DOCK5: variants seen among roughly 807,000 people sequenced by gnomAD.
DOCK5 encodes the protein dedicator of cytokinesis 5.
Under a neutral mutation model 251.8 loss-of-function variants are expected in DOCK5, and 142 were observed. The ratio of observed to expected loss-of-function variants is 0.56; its 90% CI spans 0.49 to 0.65. The LOEUF (loss-of-function observed/expected upper bound fraction) is 0.65, where lower values mean the gene tolerates loss of function less well. Among genes scored for constraint, DOCK5 ranks in the 30% least tolerant of loss-of-function variants. DOCK5 has a pLI of 0.00. For missense variants in DOCK5, 2,111 were observed against 2,312.3 expected (o/e 0.91, Z 1.79); for synonymous variants, 842 against 835.5 (o/e 1.01, Z -0.13).
At chr8:25,392,995 C>A in intron 44 of DOCK5, 113 bp downstream of exon 44, 2 of 856,508 alleles carry the variant, frequency 2.3e-6, no homozygotes, top group Non-Finnish European at 3.7e-6. Context: ...CTCCTCTGGC[C>A]AACTTTGTTT....
chr8:25,296,880 A>G (rs1804629712), intron 7 of DOCK5, among the ~76,000 whole-genome samples: 2 of 152,168 alleles, frequency 1.3e-5, no homozygotes, highest in South Asian at 4.1e-4. Flanking sequence ...ATAATGGTAT[A>G]TATGAAATGC....
At chr8:25,355,814 A>T (rs1800557504) in intron 27 of DOCK5, among the ~76,000 whole-genome samples, 1 of 152,214 alleles carries the variant, frequency 6.6e-6, no homozygotes, top group South Asian at 2.1e-4. Context: ...CTATTTAGAG[A>T]TTATAAATAA....
chr8:25,280,209 G>A (rs537904531), intron 5 of DOCK5, among the ~76,000 whole-genome samples: 160 of 152,360 alleles, frequency 1.1e-3, no homozygotes, highest in African/African-American at 3.8e-3. Flanking sequence ...CTCGTTAGAT[G>A]TGTGTACAAG....
At chr8:25,307,851 T>C (rs1804988496) in intron 11 of DOCK5, among the ~76,000 whole-genome samples, 1 of 152,192 alleles carries the variant, frequency 6.6e-6, no homozygotes, top group African/African-American at 2.4e-5. Context: ...TGCCTAAGAT[T>C]TATGGCAAGC....
chr8:25,305,837 A>G lies in DOCK5; in HGVS notation c.1049+1510A>G, dbSNP rs779590391. 3.3e-5 allele frequency among the ~76,000 whole-genome samples: 5 copies of G among 152,338 alleles called. No individual in the cohort carries two copies. The South Asian group carries it at 8.3e-4, about 25-fold the overall frequency. ...GAAGTCTTAAAATTTAGATATTTCA[A>G]AAAATGTACTCCATGATTAACAGTG... On this transcript the variant is annotated intron_variant, in intron 11 of 51. Transcript: ENST00000276440.
intron 4 of DOCK5, among the ~76,000 whole-genome samples, chr8:25,276,065 T>C (rs558214957): frequency 3.2e-4 from 49 of 152,266 alleles, no homozygotes; most frequent in African/African-American, 1.2e-3. Flanking sequence ...TGTGTGTGTG[T>C]GCGTGTGTGT....
chr8:25,362,177 C>A (rs557826248), intron 28 of DOCK5, among the ~76,000 whole-genome samples: 24 of 152,290 alleles, frequency 1.6e-4, no homozygotes, highest in African/African-American at 5.8e-4. Context: ...ATGATAACGT[C>A]CCTGGCGCAG....
At chr8:25,310,384 G>C (rs376514156) in intron 12 of DOCK5, 23 bp from the exon 13 acceptor site, 16 of 1,592,834 alleles carry the variant, frequency 1.0e-5, no homozygotes, top group Non-Finnish European at 1.3e-5. Flanking sequence ...AGAACTAAAC[G>C]TTTATCTTTT....
intron 5 of DOCK5, 146 bp downstream of exon 5, chr8:25,278,811 A>AT: frequency 1.3e-6 from 1 of 742,986 alleles, no homozygotes; most frequent in Non-Finnish European, 2.2e-6. Flanking sequence ...TAAGCAGCAG[A>AT]TTCTCATTTC....
At chr8:25,235,789 T>C (rs141130664) in intron 1 of DOCK5, among the ~76,000 whole-genome samples, 2,486 of 150,420 alleles carry the variant, frequency 0.017, 84 homozygotes, top group African/African-American at 0.058. Flanking sequence ...GATTTTTTTC[T>C]TTTCTTTTCC....
intron 2 of DOCK5, among the ~76,000 whole-genome samples, chr8:25,261,174 A>G (rs971206528): frequency 6.6e-6 from 1 of 152,078 alleles, no homozygotes; most frequent in Admixed American, 6.6e-5. Context: ...TTTTAGCCCT[A>G]TATGAAGTTA....
At position 25,262,236 on chromosome 8, in the gene DOCK5, T is replaced by C. The variant is rs1803608719; in HGVS notation, c.128-6609T>C. Among the ~76,000 whole-genome samples, 4 of 152,184 alleles carry C rather than the reference T, an allele frequency of 2.6e-5. No homozygotes were observed. The South Asian group carries it at 6.2e-4, about 24-fold the overall frequency. The stretch of plus-strand genomic sequence containing the variant: ...TTGGCACAGTCAATCTTTTTAACTT[T>C]AGCCATTGCAGTGGGTGGATAGTAT... On this transcript the variant is annotated intron_variant, in intron 2 of 51. Transcript: ENST00000276440.
intron 28 of DOCK5, 92 bp downstream of exon 28, chr8:25,359,153 C>G: frequency 9.1e-7 from 1 of 1,098,346 alleles, no homozygotes; most frequent in South Asian, 1.3e-5. Flanking sequence ...GTCCAGGGTT[C>G]TCTTCCCACG....
At chr8:25,227,980 G>A (rs1011513659) in intron 1 of DOCK5, among the ~76,000 whole-genome samples, 1 of 152,046 alleles carries the variant, frequency 6.6e-6, no homozygotes, top group Admixed American at 6.6e-5. Flanking sequence ...CACCTGCCAG[G>A]CTCCAGTGAT....
chr8:25,390,319 A>T, intron 42 of DOCK5, 32 bp downstream of exon 42: 1 of 1,260,086 alleles, frequency 7.9e-7, no homozygotes, highest in Non-Finnish European at 1.1e-6. Flanking sequence ...AAAAAAAAAA[A>T]TCTGTGTCTA....
intron 1 of DOCK5, among the ~76,000 whole-genome samples, chr8:25,194,680 A>G (rs759122983): frequency 1.3e-5 from 2 of 152,040 alleles, no homozygotes; most frequent in East Asian, 1.9e-4. Context: ...GTTTTTCTTA[A>G]CAGGCAGTCC....
chr8:25,210,042 G>GAA (rs1802089790), intron 1 of DOCK5, among the ~76,000 whole-genome samples: 1 of 25,362 alleles, frequency 3.9e-5, no homozygotes, highest in African/African-American at 1.3e-4. Flanking sequence ...ATAAATGTGT[G>GAA]TGTGTGTGTG....
intron 43 of DOCK5, 123 bp downstream of exon 43, chr8:25,392,103 A>G (rs2117320772): frequency 2.2e-6 from 2 of 904,306 alleles, no homozygotes; most frequent in Non-Finnish European, 1.7e-6. Flanking sequence ...AGAGATCGAG[A>G]CCATCCTGGC....
At position 25,375,103 on chromosome 8, in the gene DOCK5, C is replaced by A. The variant is rs565232183; in HGVS notation, c.3816+449C>A. 2.1e-5 allele frequency: 14 copies of A among 658,812 alleles called. No individual in the cohort carries two copies. The South Asian group carries it at 4.1e-4, about 19-fold the overall frequency. 40.8% of individuals were successfully genotyped at this position (658,812 alleles called of 1,614,324 possible). A position where few individuals can be genotyped will look rare whatever the true frequency, so the allele number is the denominator to read the frequency against. The stretch of plus-strand genomic sequence containing the variant: ...TGAATCCCAAGTAATTATTTCTAGC[C>A]CTGAGCACCTTCTCTAACTTTGGAT... On this transcript the variant is annotated intron_variant, in intron 37 of 51. Transcript: ENST00000276440.
Sources: allele counts gnomAD v4.1 joint callset (sites outside exome capture counted in the v4.1 genomes callset), GRCh38; gene constraint gnomAD v4.1.1; transcripts MANE v1.5; gene names NCBI Gene and HGNC (gene_info 2026-07-23, HGNC 2026-07-21).